The following PEX5L variants were observed in gnomAD, a reference collection of about 807,000 sequenced individuals.
PEX5L encodes PEX5-related protein.
A neutral mutation model predicts 84.0 loss-of-function variants in PEX5L; 30 were observed. The ratio of observed to expected loss-of-function variants is 0.36; its 90% CI spans 0.27 to 0.48. PEX5L has a LOEUF of 0.48. PEX5L is among the 20% of genes least tolerant of loss of function. PEX5L has a pLI of 0.99. For synonymous variants in PEX5L, 270 were observed against 283.1 expected, an observed-to-expected ratio of 0.95 and a Z score of 0.46; for missense variants, 533 against 754.6, an observed-to-expected ratio of 0.71 and a Z score of 3.44.
At chr3:179,966,317 C>A (rs1166899316) in intron 2 of PEX5L, among the ~76,000 whole-genome samples, 2 of 152,074 alleles carry the variant, frequency 1.3e-5, no homozygotes, top group Non-Finnish European at 2.9e-5. Context: ...TAAGAAGGTA[C>A]CCAGGGACAG....
chr3:179,908,255 A>C (rs971099804), intron 2 of PEX5L, among the ~76,000 whole-genome samples: 1 of 152,168 alleles, frequency 6.6e-6, no homozygotes, highest in African/African-American at 2.4e-5. Flanking sequence ...AAAGATCTTA[A>C]AGCTGCAAGC....
At chr3:179,826,202 G>A (rs1730438540) in intron 8 of PEX5L, among the ~76,000 whole-genome samples, 1 of 152,128 alleles carries the variant, frequency 6.6e-6, no homozygotes, top group Non-Finnish European at 1.5e-5. Flanking sequence ...GAAATCAAGA[G>A]CCATTTCTAA....
intron 8 of PEX5L, among the ~76,000 whole-genome samples, chr3:179,854,858 C>G (rs1560395398): frequency 1.3e-5 from 2 of 151,978 alleles, no homozygotes; most frequent in Non-Finnish European, 2.9e-5. Context: ...AGATTATAGA[C>G]AGATAAATAA....
intron 14 of PEX5L, among the ~76,000 whole-genome samples, chr3:179,805,658 ATACT>A (rs1278691926): frequency 2.6e-5 from 4 of 152,354 alleles, no homozygotes; most frequent in South Asian, 4.1e-4. Context: ...TATTTGGAAA[ATACT>A]TACACTAAAA....
chr3:179,849,392 A>G (rs2339912), intron 8 of PEX5L, among the ~76,000 whole-genome samples: 73,178 of 152,130 alleles, frequency 0.48, 19,027 homozygotes, highest in East Asian at 0.75. Context: ...TCTGTTTTCC[A>G]TCTGATCTCA....
At chr3:179,930,576 C>T (rs1772807916) in intron 2 of PEX5L, among the ~76,000 whole-genome samples, 1 of 152,194 alleles carries the variant, frequency 6.6e-6, no homozygotes, top group African/African-American at 2.4e-5. Flanking sequence ...TTGTCCTGTA[C>T]TATGTCTGGT....
At chr3:179,802,745 C>T (rs1392649087) in intron 14 of PEX5L, among the ~76,000 whole-genome samples, 1 of 151,948 alleles carries the variant, frequency 6.6e-6, no homozygotes, top group Non-Finnish European at 1.5e-5. Flanking sequence ...TACTTAAAAA[C>T]AAAGTGGTCT....
At chr3:179,917,577 T>C (rs543706227) in intron 2 of PEX5L, among the ~76,000 whole-genome samples, 101 of 152,222 alleles carry the variant, frequency 6.6e-4, no homozygotes, top group Non-Finnish European at 1.0e-3. Context: ...ATGATGTCAC[T>C]AGGTGATAGG....
intron 8 of PEX5L, among the ~76,000 whole-genome samples, chr3:179,837,853 T>A (rs1735572316): frequency 6.6e-6 from 1 of 152,224 alleles, no homozygotes; most frequent in Non-Finnish European, 1.5e-5. Context: ...GGTAGACTCC[T>A]CATCTGGCTC....
intron 1 of PEX5L, among the ~76,000 whole-genome samples, chr3:180,028,142 G>A (rs930521971): frequency 2.0e-5 from 3 of 152,058 alleles, no homozygotes; most frequent in Non-Finnish European, 4.4e-5. Context: ...TTCCCATACT[G>A]CCTTCCTCCT....
intron 8 of PEX5L, among the ~76,000 whole-genome samples, chr3:179,851,742 A>G (rs1423172680): frequency 2.6e-5 from 4 of 152,226 alleles, no homozygotes; most frequent in Admixed American, 2.0e-4. Context: ...TTTGCAGAAG[A>G]AAATGCAAAA....
At chr3:179,917,189 A>G (rs1767487193) in intron 2 of PEX5L, among the ~76,000 whole-genome samples, 1 of 152,092 alleles carries the variant, frequency 6.6e-6, no homozygotes, top group South Asian at 2.1e-4. Flanking sequence ...CAGGATCTTC[A>G]GTGTCACTCT....
intron 7 of PEX5L, among the ~76,000 whole-genome samples, chr3:179,869,314 A>C (rs745980984): frequency 6.6e-6 from 1 of 152,188 alleles, no homozygotes; most frequent in Admixed American, 6.5e-5. Context: ...TTTGTGGAGA[A>C]GGGTAATTTT....
chr3:179,850,754 T>A (rs977443438), intron 8 of PEX5L, among the ~76,000 whole-genome samples: 4 of 152,222 alleles, frequency 2.6e-5, no homozygotes, highest in African/African-American at 9.6e-5. Context: ...TCAGAAGATT[T>A]TCTCCTTTTT....
Position 179,859,045 on chromosome 3 carries a change from A to G in PEX5L, c.822+17T>C. 6.4e-7 allele frequency: 1 copy of G among 1,574,534 alleles called. No individual in the cohort carries two copies. Among genetic ancestry groups the G allele is most frequent in the South Asian group, 1.1e-5 (1 of 90,248 alleles). ...CAGGAGCATGAAACAGAAAAAACTA[A>G]TTTGAAGAAAAGTTACCTCCACTGC... On this transcript the variant is annotated intron_variant, in intron 8 of 14. Transcript: ENST00000467460.
intron 8 of PEX5L, among the ~76,000 whole-genome samples, chr3:179,842,882 G>A (rs1398733476): frequency 3.3e-5 from 5 of 152,084 alleles, no homozygotes; most frequent in Non-Finnish European, 5.9e-5. Flanking sequence ...AAAGGGACTT[G>A]TTAGGTAAAG....
At chr3:179,961,193 GTATGTGTA>G (rs1383328313) in intron 2 of PEX5L, among the ~76,000 whole-genome samples, 3 of 137,912 alleles carry the variant, frequency 2.2e-5, no homozygotes, top group African/African-American at 8.2e-5. Context: ...GATCACTTGT[GTATGTGTA>G]TGTGTGTGTG....
intron 2 of PEX5L, among the ~76,000 whole-genome samples, chr3:179,910,657 A>G (rs930848442): frequency 4.6e-5 from 7 of 152,236 alleles, no homozygotes; most frequent in Non-Finnish European, 8.8e-5. Context: ...GCTGTCAGAC[A>G]CAGCCTGACT....
At chr3:180,006,580 C>T (rs1420638146) in intron 1 of PEX5L, among the ~76,000 whole-genome samples, 1 of 152,062 alleles carries the variant, frequency 6.6e-6, no homozygotes, top group East Asian at 1.9e-4. Flanking sequence ...TGAATTAGTC[C>T]GTTTTGACAC....
Sources: gnomAD v4.1 joint callset for allele counts (sites outside exome capture counted in the v4.1 genomes callset) on GRCh38, gnomAD v4.1.1 for gene constraint, MANE v1.5 for transcripts, NCBI Gene and HGNC (gene_info 2026-07-23, HGNC 2026-07-21) for gene names.